The following TENM3 variants were observed in gnomAD, a reference collection of about 807,000 sequenced individuals.
The protein encoded by TENM3 is teneurin-3.
A neutral mutation model predicts 255.1 loss-of-function variants in TENM3; 63 were observed. The observed-to-expected ratio is 0.25, with a 90% CI of 0.20 to 0.30. The LOEUF is 0.30. Among genes scored for constraint, TENM3 ranks in the 10% least tolerant of loss-of-function variants. The pLI, the probability that TENM3 is intolerant of heterozygous loss-of-function variation, is 1.00. For missense variants in TENM3, 2,929 were observed against 3,461.1 expected (o/e 0.85, Z 3.86); for synonymous variants, 1,306 against 1,322.3 (o/e 0.99, Z 0.27).
the TENM3 span, among the ~76,000 whole-genome samples, chr4:182,060,923 GAT>G: frequency 6.6e-6 from 1 of 152,162 alleles, no homozygotes; most frequent in Non-Finnish European, 1.5e-5. Flanking sequence ...CGTAATATAT[GAT>G]ATTGAAACTT....
the TENM3 span, among the ~76,000 whole-genome samples, chr4:181,889,516 G>T: frequency 1.3e-5 from 2 of 152,166 alleles, no homozygotes; most frequent in East Asian, 1.9e-4. Context: ...AGCACACATG[G>T]TATGCTTTTT....
In TENM3 at chr4:182,719,252, C is replaced by CTTTT. The variant is rs11348241; in HGVS notation, c.2368+5043_2368+5046dup. ...AGTAAAATAGAGTTCTTTTTTTTTT[C>CTTTT]TTTTTTTTTTTTTTTTTTTTTTTTT... is the stretch of plus-strand genomic sequence containing the variant. On this transcript the variant is annotated intron_variant, in intron 13 of 27. Coordinates refer to ENST00000511685, the MANE Select transcript of TENM3 (RefSeq NM_001080477.4). Among the ~76,000 whole-genome samples, 56 of 80,872 alleles carry CTTTT rather than the reference C, an allele frequency of 6.9e-4. 3 individuals carry two copies. Among genetic ancestry groups the CTTTT allele is most frequent in the South Asian group, 5.8e-3 (10 of 1,734 alleles). The allele number at this position is 80,872 out of a possible 152,430, so 53.1% of individuals were successfully genotyped here.
the TENM3 span, among the ~76,000 whole-genome samples, chr4:181,968,996 A>ATG: frequency 7.0e-6 from 1 of 143,346 alleles, no homozygotes; most frequent in African/African-American, 2.6e-5. Flanking sequence ...CTCTCTCTAT[A>ATG]TACATATATA....
chr4:181,627,957 T>C, the TENM3 span, among the ~76,000 whole-genome samples: 1 of 152,206 alleles, frequency 6.6e-6, no homozygotes, highest in East Asian at 1.9e-4. Flanking sequence ...CCACCAACAG[T>C]GTAAAAGTGT....
chr4:182,564,471 AAATATG>A (rs1743555403), intron 3 of TENM3, among the ~76,000 whole-genome samples: 1 of 152,072 alleles, frequency 6.6e-6, no homozygotes, highest in Non-Finnish European at 1.5e-5. Flanking sequence ...ACCTTTCAAC[AAATATG>A]AGACTATAAG....
intron 12 of TENM3, among the ~76,000 whole-genome samples, chr4:182,711,973 A>T (rs558099969): frequency 1.3e-5 from 2 of 152,290 alleles, no homozygotes; most frequent in African/African-American, 4.8e-5. Flanking sequence ...AGAATCACAA[A>T]TACTCTTATC....
chr4:182,202,603 C>T (rs1754262891), intron 1 of TENM3, among the ~76,000 whole-genome samples: 1 of 152,080 alleles, frequency 6.6e-6, no homozygotes, highest in Admixed American at 6.5e-5. Flanking sequence ...CCACGCCTGG[C>T]CTGAACTGCA....
At chr4:182,703,608 C>T (rs1156709588) in intron 12 of TENM3, among the ~76,000 whole-genome samples, 1 of 152,176 alleles carries the variant, frequency 6.6e-6, no homozygotes, top group Non-Finnish European at 1.5e-5. Context: ...CCTACAAATA[C>T]AGCAAAATTA....
At chr4:182,621,619 A>G (rs1456225007) in intron 4 of TENM3, among the ~76,000 whole-genome samples, 2 of 45,020 alleles carry the variant, frequency 4.4e-5, no homozygotes, top group African/African-American at 1.5e-4. Context: ...ATATAAATAT[A>G]TATATAAAAT....
At chr4:182,387,306 G>GCCTTGGAGAACCTGTGTGT (rs914942509) in intron 3 of TENM3, among the ~76,000 whole-genome samples, 1 of 152,184 alleles carries the variant, frequency 6.6e-6, no homozygotes, top group Non-Finnish European at 1.5e-5. Flanking sequence ...CTCTGGTGGG[G>GCCTTGGAGAACCTGTGTGT]CCTTGGAGAA....
At chr4:181,489,853 C>T in the TENM3 span, among the ~76,000 whole-genome samples, 1 of 152,122 alleles carries the variant, frequency 6.6e-6, no homozygotes, top group Non-Finnish European at 1.5e-5. Context: ...AATTATCCAT[C>T]AGGATATATT....
chr4:182,311,800 T>C (rs993245000), intron 1 of TENM3, among the ~76,000 whole-genome samples: 2 of 152,210 alleles, frequency 1.3e-5, no homozygotes, highest in Non-Finnish European at 2.9e-5. Context: ...ACATGAGCTC[T>C]TCATTGAAGA....
intron 3 of TENM3, among the ~76,000 whole-genome samples, chr4:182,371,298 AC>A (rs1463347889): frequency 2.6e-5 from 4 of 151,506 alleles, no homozygotes; most frequent in Non-Finnish European, 4.4e-5. Context: ...TGATGTTGGT[AC>A]CCAGCATCTT....
At chr4:181,497,457 T>C in the TENM3 span, among the ~76,000 whole-genome samples, 1 of 152,108 alleles carries the variant, frequency 6.6e-6, no homozygotes, top group Non-Finnish European at 1.5e-5. Flanking sequence ...AGGCTTTGGA[T>C]GGATGAAAAG....
the TENM3 span, among the ~76,000 whole-genome samples, chr4:181,808,690 G>A: frequency 2.0e-5 from 3 of 152,198 alleles, no homozygotes; most frequent in Non-Finnish European, 2.9e-5. Context: ...GCGAGCAAGT[G>A]AGCAGCTCGG....
intron 4 of TENM3, 105 bp downstream of exon 4, chr4:182,601,266 TTG>T: frequency 2.1e-6 from 2 of 942,002 alleles, no homozygotes; most frequent in Non-Finnish European, 1.6e-6. Flanking sequence ...TTTGTTGTTG[TTG>T]TGTTTTCTTT....
chr4:181,722,302 T>C, the TENM3 span, among the ~76,000 whole-genome samples: 1 of 152,198 alleles, frequency 6.6e-6, no homozygotes, highest in Non-Finnish European at 1.5e-5. Flanking sequence ...ACTCAATAAA[T>C]ACTGGCTGGG....
intron 3 of TENM3, among the ~76,000 whole-genome samples, chr4:182,384,087 T>G (rs1767744550): frequency 6.6e-6 from 1 of 152,154 alleles, no homozygotes; most frequent in Non-Finnish European, 1.5e-5. Context: ...AGAATACGGA[T>G]AGTGTGTAGG....
chr4:181,889,340 C>T, the TENM3 span, among the ~76,000 whole-genome samples: 1 of 152,122 alleles, frequency 6.6e-6, no homozygotes, highest in Admixed American at 6.5e-5. Context: ...GCCGGCTCCC[C>T]GTTCCCTTCT....
Sources: gnomAD v4.1 joint callset for allele counts (sites outside exome capture counted in the v4.1 genomes callset) on GRCh38, gnomAD v4.1.1 for gene constraint, MANE v1.5 for transcripts, NCBI Gene and HGNC (gene_info 2026-07-23, HGNC 2026-07-21) for gene names.